TRPM3: variants seen among roughly 807,000 people sequenced by gnomAD.
The protein encoded by TRPM3 is transient receptor potential cation channel subfamily M member 3, also known as long transient receptor potential channel 3.
TRPM3 carries 77 observed loss-of-function variants against 181.2 expected under a neutral mutation model. The observed-to-expected ratio is 0.42, with a 90% CI of 0.35 to 0.51. TRPM3 has a LOEUF of 0.51. TRPM3 is among the 20% of genes least tolerant of loss of function. TRPM3 has a pLI of 0.01. For synonymous variants in TRPM3, 745 were observed against 796.4 expected, an observed-to-expected ratio of 0.94 and a Z score of 1.09; for missense variants, 1,759 against 2,196.7, an observed-to-expected ratio of 0.80 and a Z score of 3.98.
At position 70,834,019 on chromosome 9, in the gene TRPM3, C is replaced by T. The variant is rs903092920; in HGVS notation, c.802-6001G>A. The stretch of plus-strand genomic sequence containing the variant: ...AAAAGAAAGGATCTGTGGTTCCTCA[C>T]AATTATAGCGAGGCCAGAGCTAGCA... On this transcript the variant is annotated intron_variant, in intron 5 of 25. Coordinates refer to ENST00000677713, the MANE Select transcript of TRPM3 (RefSeq NM_001366145.2). Among the ~76,000 whole-genome samples, 35 of 152,138 alleles carry T rather than the reference C, an allele frequency of 2.3e-4. 1 individual carries two copies. Among genetic ancestry groups the T allele is most frequent in the Non-Finnish European group, 1.5e-5 (1 of 68,032 alleles).
chr9:70,764,817 T>C (rs894768401), intron 7 of TRPM3, among the ~76,000 whole-genome samples: 10 of 152,184 alleles, frequency 6.6e-5, no homozygotes, highest in African/African-American at 2.4e-4. Flanking sequence ...ATCCTTCTGA[T>C]TGCAACAAGA....
intron 4 of TRPM3, among the ~76,000 whole-genome samples, chr9:70,844,233 G>T (rs2094843598): frequency 6.6e-6 from 1 of 152,088 alleles, no homozygotes; most frequent in Non-Finnish European, 1.5e-5. Flanking sequence ...ATTTAATCAT[G>T]GGAAAAGACA....
chr9:70,977,416 G>A (rs995637461), intron 1 of TRPM3, among the ~76,000 whole-genome samples: 1 of 152,222 alleles, frequency 6.6e-6, no homozygotes, highest in African/African-American at 2.4e-5. Flanking sequence ...TTACAGGCGT[G>A]AGCCACCACG....
At chr9:71,362,359 T>C (rs1323135023) in intron 1 of TRPM3, among the ~76,000 whole-genome samples, 1 of 152,022 alleles carries the variant, frequency 6.6e-6, no homozygotes, top group Non-Finnish European at 1.5e-5. Flanking sequence ...GGTTGAAAAA[T>C]AGTCAAAGAT....
intron 1 of TRPM3, among the ~76,000 whole-genome samples, chr9:71,343,593 A>C (rs2091104053): frequency 6.6e-6 from 1 of 152,198 alleles, no homozygotes; most frequent in South Asian, 2.1e-4. Context: ...GAAGTTATCT[A>C]CATAAAATAA....
chr9:70,781,601 T>C (rs1053460017), intron 7 of TRPM3, among the ~76,000 whole-genome samples: 1 of 152,084 alleles, frequency 6.6e-6, no homozygotes, highest in Admixed American at 6.6e-5. Context: ...AAGTACTATA[T>C]GAGGAACACT....
chr9:70,863,038 T>G lies in TRPM3; in HGVS notation c.332A>C (p.Asn111Thr). The G allele has an allele frequency of 6.2e-7, 1 of 1,613,648 alleles. No individual in the cohort carries two copies. Among genetic ancestry groups the G allele is most frequent in the East Asian group, 2.2e-5 (1 of 44,846 alleles). Residue 111 changes from asparagine to threonine, a missense_variant, in exon 3 of 26, where the codon AAT (asparagine) becomes ACT (threonine). Coordinates refer to ENST00000677713, the MANE Select transcript of TRPM3 (RefSeq NM_001366145.2). Reference sequence around the variant, plus strand: ...GTCATTTCGGGAGAGGCGACTTTCATTTTTCTCATTCTGAAGCACGGAGAT... The same window carrying G: ...GTCATTTCGGGAGAGGCGACTTTCAGTTTTCTCATTCTGAAGCACGGAGAT... Reference protein sequence around the residue: ...PSISVLQNEKNESRLSRNDIQ... With the variant: ...PSISVLQNEKTESRLSRNDIQ...
At chr9:71,131,627 C>A (rs563133576) in intron 1 of TRPM3, among the ~76,000 whole-genome samples, 2 of 152,266 alleles carry the variant, frequency 1.3e-5, no homozygotes, top group African/African-American at 4.8e-5. Flanking sequence ...TATTGCTTGT[C>A]TATAAACTGA....
chr9:70,744,450 G>T (rs569808015), intron 8 of TRPM3, among the ~76,000 whole-genome samples: 56 of 152,100 alleles, frequency 3.7e-4, no homozygotes, highest in Admixed American at 7.2e-4. Context: ...CATAATTCTT[G>T]TCTCATTGTT....
intron 1 of TRPM3, among the ~76,000 whole-genome samples, chr9:71,007,312 A>G (rs2097690267): frequency 6.6e-6 from 1 of 152,138 alleles, no homozygotes; most frequent in Non-Finnish European, 1.5e-5. Flanking sequence ...TATCCAGACA[A>G]AAGAGACAGA....
chr9:71,395,178 C>G (rs540058054), intron 1 of TRPM3, among the ~76,000 whole-genome samples: 57 of 152,328 alleles, frequency 3.7e-4, no homozygotes, highest in Admixed American at 7.8e-4. Context: ...CTGCACAGCT[C>G]AAGTCCACAT....
At chr9:71,057,970 A>G (rs953181057) in intron 1 of TRPM3, among the ~76,000 whole-genome samples, 4 of 152,110 alleles carry the variant, frequency 2.6e-5, no homozygotes, top group African/African-American at 7.2e-5. Context: ...GCATTAAAAT[A>G]CATAAACATA....
At chr9:71,266,473 A>G (rs1050152995) in intron 1 of TRPM3, among the ~76,000 whole-genome samples, 2 of 152,142 alleles carry the variant, frequency 1.3e-5, no homozygotes, top group Non-Finnish European at 2.9e-5. Context: ...TCCTTTGTCC[A>G]GTAATCCTTC....
chr9:71,006,392 G>C (rs1056968096), intron 1 of TRPM3, among the ~76,000 whole-genome samples: 6 of 151,788 alleles, frequency 4.0e-5, no homozygotes, highest in Admixed American at 3.3e-4. Flanking sequence ...AAAAGACATA[G>C]TGTGGCTGAA....
intron 1 of TRPM3, among the ~76,000 whole-genome samples, chr9:71,237,688 T>C (rs1350209791): frequency 6.6e-6 from 1 of 152,208 alleles, no homozygotes; most frequent in Non-Finnish European, 1.5e-5. Flanking sequence ...TTAGAGAGTG[T>C]CTCAGTCTGT....
chr9:70,553,120 T>A lies in TRPM3; in HGVS notation c.3374+40A>T, dbSNP rs762187310. The A allele has an allele frequency of 2.1e-4, 342 of 1,613,808 alleles. 1 individual carries two copies. The East Asian group carries it at 7.6e-3, about 36-fold the overall frequency. On this transcript the variant is annotated intron_variant, in intron 23 of 25. Transcript: ENST00000677713. The stretch of plus-strand genomic sequence containing the variant: ...AGCATCGACTCCCCTTCACCCCTGC[T>A]GTCCTCATCCATCCCACGTGCTCCA...
chr9:71,254,359 T>C (rs1384536201), intron 1 of TRPM3, among the ~76,000 whole-genome samples: 1 of 152,206 alleles, frequency 6.6e-6, no homozygotes, highest in Non-Finnish European at 1.5e-5. Context: ...GTTGGGAAGA[T>C]GTTGGTCAAA....
intron 15 of TRPM3, among the ~76,000 whole-genome samples, chr9:70,620,953 G>T (rs1261967066): frequency 1.3e-5 from 2 of 149,616 alleles, no homozygotes; most frequent in African/African-American, 4.9e-5. Context: ...TTGCATTGCA[G>T]ATATAACCTC....
At chr9:71,420,989 G>GAGAGAAAAAGAGAAAA (rs1554658569) in intron 1 of TRPM3, among the ~76,000 whole-genome samples, 1 of 101,804 alleles carries the variant, frequency 9.8e-6, no homozygotes, top group Non-Finnish European at 2.0e-5. Context: ...GAGAGAAAAA[G>GAGAGAAAAAGAGAAAA]AGAGAGAAAA....
Sources: gnomAD v4.1 joint callset for allele counts (sites outside exome capture counted in the v4.1 genomes callset) on GRCh38, gnomAD v4.1.1 for gene constraint, MANE v1.5 for transcripts, NCBI Gene and HGNC (gene_info 2026-07-23, HGNC 2026-07-21) for gene names.